Variants in DNMT3A observed in about 807,000 individuals in gnomAD.
The protein encoded by DNMT3A is DNA methyltransferase 3 alpha, also known as DNA (cytosine-5)-methyltransferase 3A.
Under a neutral mutation model 117.6 loss-of-function variants are expected in DNMT3A, and 267 were observed. That is an observed-to-expected ratio of 2.27 (90% confidence interval 2.05 to 2.51). The LOEUF (loss-of-function observed/expected upper bound fraction) is 2.51. DNMT3A is among the 30% of genes most tolerant of loss of function. The probability of loss-of-function intolerance (pLI) is 0.00; values close to 1 mark genes in which losing one functional copy is unlikely to be tolerated. For synonymous variants in DNMT3A, 432 were observed against 474.8 expected (o/e 0.91, Z 1.17); for missense variants, 1,029 against 1,260.2 (o/e 0.82, Z 2.78).
At chr2:25,302,550 G>A (rs1351601711) in intron 2 of DNMT3A, among the ~76,000 whole-genome samples, 1 of 152,220 alleles carries the variant, frequency 6.6e-6, no homozygotes, top group African/African-American at 2.4e-5. Context: ...CAGCAGACGG[G>A]CGGTGAGGGC....
chr2:25,324,214 C>G (rs1400391811), intron 1 of DNMT3A, among the ~76,000 whole-genome samples: 1 of 152,204 alleles, frequency 6.6e-6, no homozygotes, highest in Non-Finnish European at 1.5e-5. Flanking sequence ...TGAGCACCTA[C>G]CATGTGCCAA....
At chr2:25,341,000 G>A (rs1356492149) in intron 1 of DNMT3A, among the ~76,000 whole-genome samples, 1 of 146,076 alleles carries the variant, frequency 6.8e-6, no homozygotes, top group African/African-American at 2.5e-5. Context: ...CCGTGCCGCC[G>A]GCACTCCGGG....
rs912440580 is a variant in DNMT3A at position 25,327,514 on chromosome 2, T to C, written c.-177-13353A>G. On this transcript the variant is annotated intron_variant, in intron 1 of 22. Transcript: ENST00000321117. This position sits in a 1 kb window ranked among gnomAD's most constrained non-coding sequence, Gnocchi z 4.1. ...CTGTGTGTTCTCTCCCAGCCATGAC[T>C]CCATCTGGCTCCTTGCTTCTGGGTC... Among the ~76,000 whole-genome samples, 1 of 152,168 alleles carries C rather than the reference T, an allele frequency of 6.6e-6. No individual in the cohort carries two copies. The highest frequency in any genetic ancestry group is 1.5e-5 in the Non-Finnish European group (1 of 68,034).
intron 17 of DNMT3A, 104 bp from the exon 18 acceptor site, chr2:25,240,834 G>C: frequency 8.7e-7 from 1 of 1,145,892 alleles, no homozygotes; most frequent in South Asian, 1.4e-5. Flanking sequence ...CCTTTGACAC[G>C]AAAGAGAGGA....
intron 1 of DNMT3A, among the ~76,000 whole-genome samples, chr2:25,335,723 T>TCC (rs1303439107): frequency 6.6e-6 from 1 of 151,986 alleles, no homozygotes; most frequent in Non-Finnish European, 1.5e-5. Context: ...TGGTCCTCCG[T>TCC]CCCCTCTGTG....
chr2:25,321,307 C>T (rs949236791), intron 1 of DNMT3A, among the ~76,000 whole-genome samples: 2 of 152,200 alleles, frequency 1.3e-5, no homozygotes, highest in African/African-American at 2.4e-5. Context: ...TTCCTTGCCA[C>T]GTGGTCCCCT....
chr2:25,252,144 C>G lies in DNMT3A; in HGVS notation c.640-3892G>C. The G allele has an allele frequency of 1.3e-6, 2 of 1,546,546 alleles. No homozygotes were observed. Among genetic ancestry groups the G allele is most frequent in the Non-Finnish European group, 1.7e-6 (2 of 1,146,408 alleles). On this transcript the variant is annotated intron_variant, in intron 6 of 22. Coordinates refer to ENST00000321117, the MANE Select transcript of DNMT3A (RefSeq NM_022552.5). The surrounding 1 kb of genome is among the most constrained non-coding windows in gnomAD (Gnocchi z 5.5). ...GGCTGCGGAGATCCTCCCACCGGCC[C>G]TGCCGCCTCCCCGCCCCCGGTCTCC...
rs1011275809 is a variant in DNMT3A, at chr2:25,252,040, C to T, written c.640-3788G>A. The T allele has an allele frequency of 2.0e-6, 2 of 990,772 alleles. No individual in the cohort carries two copies. The highest frequency in any genetic ancestry group is 2.9e-6 in the Non-Finnish European group (2 of 694,426). 61.4% of individuals were successfully genotyped at this position (990,772 alleles called of 1,614,324 possible). ...CGGCGGGCCAGCACTAAGTCAGCAT[C>T]TCCAGAACTCGGGCCAGGCCGGGAC... On this transcript the variant is annotated intron_variant, in intron 6 of 22. Coordinates refer to ENST00000321117, the MANE Select transcript of DNMT3A (RefSeq NM_022552.5). The surrounding 1 kb of genome is among the most constrained non-coding windows in gnomAD (Gnocchi z 5.5).
At chr2:25,274,794 G>T in intron 6 of DNMT3A, 147 bp downstream of exon 6, 1 of 1,192,990 alleles carries the variant, frequency 8.4e-7, no homozygotes, top group South Asian at 1.7e-5. Context: ...ATCTGCTGAA[G>T]GAGCAGATGA....
chr2:25,238,277 A>G (rs1364152848), intron 20 of DNMT3A, among the ~76,000 whole-genome samples: 1 of 152,198 alleles, frequency 6.6e-6, no homozygotes, highest in African/African-American at 2.4e-5. Flanking sequence ...CAAGCCCTCG[A>G]TAGCAACTCT....
chr2:25,249,197 G>C (rs2384145), intron 6 of DNMT3A, among the ~76,000 whole-genome samples: 62,369 of 152,046 alleles, frequency 0.41, 13,321 homozygotes, highest in Admixed American at 0.54. Context: ...TTCAAGACCA[G>C]CCTGGGCAAC....
intron 2 of DNMT3A, among the ~76,000 whole-genome samples, chr2:25,312,008 G>A (rs1009594666): frequency 6.6e-6 from 1 of 152,100 alleles, no homozygotes; most frequent in Non-Finnish European, 1.5e-5. Context: ...GTAACAGGAG[G>A]AGTTTGTCCC....
rs1280521008 is a variant in DNMT3A at position 25,339,960 on chromosome 2, G to T, written c.-178+1866C>A. ...CGCCCAGGAGGCGGGTTCAGCCGCT[G>T]GCAGCCTAGGGTGAAACATGAAGAC... On this transcript the variant is annotated intron_variant, in intron 1 of 22. Coordinates refer to ENST00000321117, the MANE Select transcript of DNMT3A (RefSeq NM_022552.5). This position sits in a 1 kb window ranked among gnomAD's most constrained non-coding sequence, Gnocchi z 4.9. Among the ~76,000 whole-genome samples, 1 of 152,230 alleles carries T rather than the reference G, an allele frequency of 6.6e-6. No homozygotes were observed. Among genetic ancestry groups the T allele is most frequent in the Non-Finnish European group, 1.5e-5 (1 of 68,036 alleles).
chr2:25,329,676 CACACACACACA>C (rs2034937277), intron 1 of DNMT3A, among the ~76,000 whole-genome samples: 1 of 33,316 alleles, frequency 3.0e-5, no homozygotes, highest in African/African-American at 5.1e-5. Flanking sequence ...GCAGACCCCA[CACACACACACA>C]CACACACACA....
chr2:25,241,461 A>G, intron 17 of DNMT3A, 101 bp downstream of exon 17: 2 of 1,461,492 alleles, frequency 1.4e-6, no homozygotes, highest in South Asian at 2.7e-5. Context: ...GGGTGAAGAG[A>G]AAGAGGGCAA....
At chr2:25,256,540 T>C (rs916422564) in intron 6 of DNMT3A, among the ~76,000 whole-genome samples, 2 of 152,240 alleles carry the variant, frequency 1.3e-5, no homozygotes, top group Non-Finnish European at 2.9e-5. Context: ...TCAGTCACAC[T>C]GGCTACATTC....
At chr2:25,250,790 T>A (rs1267366402) in intron 6 of DNMT3A, among the ~76,000 whole-genome samples, 1 of 152,166 alleles carries the variant, frequency 6.6e-6, no homozygotes, top group Non-Finnish European at 1.5e-5. Flanking sequence ...GCGAGGCCCC[T>A]GAGCCAGTAC....
intron 3 of DNMT3A, among the ~76,000 whole-genome samples, chr2:25,285,863 G>A (rs2032272882): frequency 6.6e-6 from 1 of 152,210 alleles, no homozygotes; most frequent in African/African-American, 2.4e-5. Flanking sequence ...CCTGAAAAGT[G>A]GAGTGTACCC....
At chr2:25,328,699 C>A in intron 1 of DNMT3A, 1 of 517,858 alleles carries the variant, frequency 1.9e-6, no homozygotes, top group Admixed American at 2.1e-5. Flanking sequence ...TGCTGCGGTG[C>A]CTAGAGCGAC....
Sources: gnomAD v4.1 joint callset for allele counts (sites outside exome capture counted in the v4.1 genomes callset) on GRCh38, gnomAD v4.1.1 for gene constraint, Gnocchi (gnomAD v3.1) non-coding constraint, MANE v1.5 for transcripts, NCBI Gene and HGNC (gene_info 2026-07-23, HGNC 2026-07-21) for gene names.